The following IGF2BP2 variants were observed in gnomAD, a reference collection of about 807,000 sequenced individuals.
IGF2BP2 encodes the protein insulin like growth factor 2 mRNA binding protein 2, also known as insulin-like growth factor 2 mRNA-binding protein 2.
Under a neutral mutation model 75.8 loss-of-function variants are expected in IGF2BP2, and 17 were observed. The observed-to-expected ratio is 0.22, with a 90% CI of 0.15 to 0.34. IGF2BP2 has a LOEUF of 0.34. Ranked by LOEUF, IGF2BP2 falls within the 10% of genes least tolerant of loss-of-function variation. The probability of loss-of-function intolerance (pLI) is 1.00; values close to 1 mark genes in which losing one functional copy is unlikely to be tolerated. For missense variants in IGF2BP2, 516 were observed against 772.4 expected, an observed-to-expected ratio of 0.67 and a Z score of 3.93; for synonymous variants, 288 against 295.6, an observed-to-expected ratio of 0.97 and a Z score of 0.26.
intron 2 of IGF2BP2, among the ~76,000 whole-genome samples, chr3:185,750,058 A>G (rs769164144): frequency 6.6e-6 from 1 of 152,204 alleles, no homozygotes; most frequent in Non-Finnish European, 1.5e-5. Context: ...ACTTGTTAAC[A>G]AGCAAGTTGC....
At chr3:185,721,518 GT>G (rs532274048) in intron 2 of IGF2BP2, among the ~76,000 whole-genome samples, 2 of 151,812 alleles carry the variant, frequency 1.3e-5, no homozygotes, top group South Asian at 4.2e-4. Context: ...CTTTCAAGCA[GT>G]TTTTTTTCTT....
chr3:185,787,471 G>A (rs1346085055), intron 2 of IGF2BP2, among the ~76,000 whole-genome samples: 1 of 152,180 alleles, frequency 6.6e-6, no homozygotes, highest in Non-Finnish European at 1.5e-5. Context: ...GGCGGCTCAC[G>A]CCTGTAATCC....
chr3:185,673,066 C>T (rs1179567856), intron 9 of IGF2BP2, among the ~76,000 whole-genome samples: 1 of 152,236 alleles, frequency 6.6e-6, no homozygotes, highest in Non-Finnish European at 1.5e-5. Context: ...CTAAGTCCTA[C>T]TGACCTGTGG....
chr3:185,681,158 A>G (rs1450725979), intron 7 of IGF2BP2, among the ~76,000 whole-genome samples: 1 of 152,232 alleles, frequency 6.6e-6, no homozygotes, highest in Non-Finnish European at 1.5e-5. Context: ...AATGATCTCT[A>G]TTCACAGATG....
chr3:185,759,788 A>G (rs1382583215), intron 2 of IGF2BP2, among the ~76,000 whole-genome samples: 1 of 152,230 alleles, frequency 6.6e-6, no homozygotes, highest in African/African-American at 2.4e-5. Context: ...ATGAGCAAGG[A>G]CTCTGGCTAT....
intron 2 of IGF2BP2, among the ~76,000 whole-genome samples, chr3:185,799,751 C>CAAA (rs553267954): frequency 3.6e-5 from 4 of 109,996 alleles, no homozygotes; most frequent in African/African-American, 6.2e-5. Context: ...GACTCCGTCT[C>CAAA]AAAAAAAAAA....
At chr3:185,796,504 G>T (rs1578334168) in intron 2 of IGF2BP2, among the ~76,000 whole-genome samples, 1 of 145,998 alleles carries the variant, frequency 6.8e-6, no homozygotes, top group East Asian at 2.2e-4. Flanking sequence ...GGCAGAGGTT[G>T]TAGTGAGCAG....
chr3:185,668,088 A>G (rs1012244439), intron 10 of IGF2BP2, among the ~76,000 whole-genome samples: 4 of 152,356 alleles, frequency 2.6e-5, no homozygotes, highest in Non-Finnish European at 2.9e-5. Flanking sequence ...AATATAATCC[A>G]CAATATCTTC....
intron 2 of IGF2BP2, among the ~76,000 whole-genome samples, chr3:185,711,594 G>T (rs889980998): frequency 6.6e-6 from 1 of 152,224 alleles, no homozygotes; most frequent in Non-Finnish European, 1.5e-5. Flanking sequence ...CACCAGCAGA[G>T]AGGTGCACAT....
intron 2 of IGF2BP2, among the ~76,000 whole-genome samples, chr3:185,805,092 C>T (rs1738835240): frequency 6.6e-6 from 1 of 152,014 alleles, no homozygotes; most frequent in Non-Finnish European, 1.5e-5. Context: ...TTCCACTTTA[C>T]GTAGATCCTA....
intron 2 of IGF2BP2, among the ~76,000 whole-genome samples, chr3:185,786,413 C>T (rs1002769470): frequency 1.5e-4 from 23 of 151,356 alleles, no homozygotes; most frequent in African/African-American, 4.8e-4. Context: ...TGAAAATGGC[C>T]GGTTCCTGCC....
intron 2 of IGF2BP2, among the ~76,000 whole-genome samples, chr3:185,710,685 A>T (rs1724675348): frequency 6.6e-6 from 1 of 152,084 alleles, no homozygotes; most frequent in African/African-American, 2.4e-5. Flanking sequence ...GTGAGCCAAG[A>T]TCGCGCCACT....
intron 2 of IGF2BP2, among the ~76,000 whole-genome samples, chr3:185,795,692 C>T (rs1002269889): frequency 6.6e-6 from 1 of 152,118 alleles, no homozygotes; most frequent in African/African-American, 2.4e-5. Context: ...ACCAGCCTGA[C>T]CAATATGGTG....
intron 2 of IGF2BP2, among the ~76,000 whole-genome samples, chr3:185,786,661 G>A (rs1735935672): frequency 6.6e-6 from 1 of 152,064 alleles, no homozygotes; most frequent in Admixed American, 6.6e-5. Flanking sequence ...CAGCCCACCT[G>A]CACCCAGGTG....
chr3:185,808,122 AAAAAAAAAAAAAAG>A (rs1739278470), intron 2 of IGF2BP2, among the ~76,000 whole-genome samples: 1 of 113,640 alleles, frequency 8.8e-6, no homozygotes, highest in African/African-American at 4.5e-5. Context: ...TCTTTTAAAA[AAAAAAAAAAAAAAG>A]AAAGAAAGAA....
intron 2 of IGF2BP2, among the ~76,000 whole-genome samples, chr3:185,705,160 G>A (rs753142124): frequency 1.3e-5 from 2 of 152,198 alleles, no homozygotes; most frequent in Non-Finnish European, 2.9e-5. Context: ...GCAGTGGTGC[G>A]ATCTTGGCTC....
chr3:185,823,604 G>A (rs1405732356), intron 1 of IGF2BP2, among the ~76,000 whole-genome samples: 1 of 151,994 alleles, frequency 6.6e-6, no homozygotes, highest in Non-Finnish European at 1.5e-5. Context: ...AGGCTCCACC[G>A]GGCTCCCCTC....
chr3:185,813,476 GA>G (rs1560512744), intron 2 of IGF2BP2, among the ~76,000 whole-genome samples: 1 of 152,136 alleles, frequency 6.6e-6, no homozygotes, highest in African/African-American at 2.4e-5. Context: ...AGCTCGAAAA[GA>G]AAGGGGTAAA....
chr3:185,703,035 G>A (rs1340899751), intron 2 of IGF2BP2, among the ~76,000 whole-genome samples: 1 of 152,106 alleles, frequency 6.6e-6, no homozygotes, highest in Non-Finnish European at 1.5e-5. Flanking sequence ...TGTGGGAAAG[G>A]GCCACCTACC....
Sources: allele counts gnomAD v4.1 joint callset (sites outside exome capture counted in the v4.1 genomes callset), GRCh38; gene constraint gnomAD v4.1.1; transcripts MANE v1.5; gene names NCBI Gene and HGNC (gene_info 2026-07-23, HGNC 2026-07-21).